The following ATP8A1 variants were observed in gnomAD, a reference collection of about 807,000 sequenced individuals.
ATP8A1 encodes the protein phospholipid-transporting ATPase IA.
In ATP8A1, 90 loss-of-function variants were observed where a neutral mutation model predicts 177.7. The ratio of observed to expected loss-of-function variants is 0.51; its 90% CI spans 0.43 to 0.60. ATP8A1 has a LOEUF of 0.60. Among genes scored for constraint, ATP8A1 ranks in the 20% least tolerant of loss-of-function variants. The probability of loss-of-function intolerance (pLI) is 0.00; values close to 1 mark genes in which losing one functional copy is unlikely to be tolerated. For missense variants in ATP8A1, 1,072 were observed against 1,392.8 expected (o/e 0.77, Z 3.67); for synonymous variants, 493 against 485.9 (o/e 1.01, Z -0.19).
At chr4:42,540,071 C>A (rs187955869) in intron 20 of ATP8A1, among the ~76,000 whole-genome samples, 2 of 152,182 alleles carry the variant, frequency 1.3e-5, no homozygotes, top group Admixed American at 6.5e-5. Flanking sequence ...CCAGAATATA[C>A]AAGAAACTGA....
chr4:42,425,506 T>G (rs1714492937), intron 33 of ATP8A1, among the ~76,000 whole-genome samples: 1 of 152,116 alleles, frequency 6.6e-6, no homozygotes, highest in Non-Finnish European at 1.5e-5. Flanking sequence ...ACCTAAAAGA[T>G]TTAAAGCCGA....
At position 42,571,136 on chromosome 4, in the gene ATP8A1, C is replaced by T. The variant is rs377626547; in HGVS notation, c.1296-1931G>A. Reference sequence around the variant, plus strand: ...ATGGTGAGCAGTAAGATAAACATGGCTGTAGCAAGATCTTGGGGGATAGTA... The same window carrying T: ...ATGGTGAGCAGTAAGATAAACATGGTTGTAGCAAGATCTTGGGGGATAGTA... On this transcript the variant is annotated intron_variant, in intron 14 of 36. Transcript: ENST00000381668. 5.1e-4 allele frequency among the ~76,000 whole-genome samples: 78 copies of T among 152,196 alleles called. 1 individual carries two copies. The South Asian group carries it at 0.011, about 22-fold the overall frequency.
At position 42,503,571 on chromosome 4, in the gene ATP8A1, G is replaced by A. The variant is rs1374137577; in HGVS notation, c.2087-57C>T. On this transcript the variant is annotated intron_variant, in intron 23 of 36. Coordinates refer to ENST00000381668, the MANE Select transcript of ATP8A1 (RefSeq NM_006095.2). ...ATTTCTCCAGAGAATATGTAAAGATGTTAAAACAATGATATGTACTATGAA... is the reference window on the plus strand; with the variant it reads ...ATTTCTCCAGAGAATATGTAAAGATATTAAAACAATGATATGTACTATGAA... The A allele has an allele frequency of 6.0e-6, 7 of 1,157,922 alleles. No individual in the cohort carries two copies. In the East Asian group the frequency reaches 9.6e-5, roughly 16 times the overall value. 71.7% of individuals were successfully genotyped at this position (1,157,922 alleles called of 1,614,324 possible). A position where few individuals can be genotyped will look rare whatever the true frequency, so the allele number is the denominator to read the frequency against.
chr4:42,585,098 C>T (rs937343655), intron 9 of ATP8A1, among the ~76,000 whole-genome samples: 2 of 152,118 alleles, frequency 1.3e-5, no homozygotes, highest in Non-Finnish European at 2.9e-5. Context: ...ACTGACTACT[C>T]CTTCCATCTG....
At chr4:42,634,560 A>T (rs912248046) in intron 1 of ATP8A1, among the ~76,000 whole-genome samples, 1 of 152,160 alleles carries the variant, frequency 6.6e-6, no homozygotes, top group African/African-American at 2.4e-5. Context: ...AATATAATCA[A>T]GGAGGGCATT....
intron 22 of ATP8A1, among the ~76,000 whole-genome samples, chr4:42,509,548 C>G (rs1034039894): frequency 6.6e-6 from 1 of 152,218 alleles, no homozygotes; most frequent in African/African-American, 2.4e-5. Flanking sequence ...GGTTCATCCT[C>G]TAAAACCAAA....
chr4:42,431,332 A>G (rs968435332), intron 33 of ATP8A1, among the ~76,000 whole-genome samples: 3 of 152,184 alleles, frequency 2.0e-5, no homozygotes, highest in African/African-American at 7.2e-5. Context: ...CAAGAGGAGA[A>G]GGTGTATTTT....
chr4:42,504,140 T>C (rs1425222776), intron 23 of ATP8A1, among the ~76,000 whole-genome samples: 1 of 152,216 alleles, frequency 6.6e-6, no homozygotes, highest in African/African-American at 2.4e-5. Context: ...AATTCCACTA[T>C]GTGAGTACAC....
intron 25 of ATP8A1, among the ~76,000 whole-genome samples, chr4:42,473,627 TTTTA>T (rs1270251983): frequency 2.0e-5 from 3 of 152,118 alleles, no homozygotes; most frequent in Non-Finnish European, 2.9e-5. Flanking sequence ...GATAAAGTTT[TTTTA>T]TTTATTTAAT....
chr4:42,423,448 T>C (rs1714222925), intron 34 of ATP8A1, among the ~76,000 whole-genome samples, 169 bp downstream of exon 34: 1 of 152,348 alleles, frequency 6.6e-6, no homozygotes, highest in Admixed American at 6.5e-5. Flanking sequence ...ATTTCGTCTT[T>C]TAAACTAGTT....
chr4:42,426,099 C>A (rs1212388300), intron 33 of ATP8A1, among the ~76,000 whole-genome samples: 2 of 152,224 alleles, frequency 1.3e-5, no homozygotes, highest in Non-Finnish European at 1.5e-5. Context: ...TGTGAACTTT[C>A]AGGGAACAAA....
intron 27 of ATP8A1, among the ~76,000 whole-genome samples, chr4:42,457,646 G>T (rs1007281290): frequency 6.6e-6 from 1 of 152,188 alleles, no homozygotes. Context: ...GTTTATGTTA[G>T]TAAGTTTATA....
intron 6 of ATP8A1, among the ~76,000 whole-genome samples, 190 bp from the exon 7 acceptor site, chr4:42,591,074 A>G (rs1042469672): frequency 4.6e-5 from 7 of 152,164 alleles, no homozygotes; most frequent in Admixed American, 1.3e-4. Flanking sequence ...ATAAGAAAAC[A>G]TTTAATATTT....
chr4:42,479,996 T>TTGTGTA (rs71200290), intron 25 of ATP8A1, among the ~76,000 whole-genome samples: 14 of 135,588 alleles, frequency 1.0e-4, no homozygotes, highest in Non-Finnish European at 1.9e-4. Context: ...GCAGTTCTGC[T>TTGTGTA]TGTGTGTGTG....
rs1316824039 is a variant in ATP8A1, at chr4:42,464,985, C to T, written c.2416G>A (p.Val806Ile). 6.2e-7 allele frequency: 1 copy of T among 1,614,116 alleles called. No individual in the cohort carries two copies. The highest frequency in any genetic ancestry group is 8.5e-7 in the Non-Finnish European group (1 of 1,180,044). ...ACGTGCGCTGTCTGTATCATGCTGA[C>T]ATCATTTGCTCCATCACCGATTGCA... ...TLAIGDGAND[V>I]SMIQTAHVGV... The change falls in exon 26 of 37, where the codon GTC becomes ATC. Residue 806 changes from valine (V) to isoleucine (I), a missense_variant. Around this residue, in one of 5 missense-constraint regions of ATP8A1, gnomAD observed 316 missense variants for 459.1 expected, o/e 0.69. Coordinates refer to ENST00000381668, the MANE Select transcript of ATP8A1 (RefSeq NM_006095.2).
intron 15 of ATP8A1, among the ~76,000 whole-genome samples, chr4:42,566,691 T>A (rs1422302208): frequency 6.6e-6 from 1 of 152,206 alleles, no homozygotes; most frequent in Non-Finnish European, 1.5e-5. Context: ...TTCAAGGATA[T>A]CTTGTGATCT....
chr4:42,569,207 T>C lies in ATP8A1; in HGVS notation c.1296-2A>G. On this transcript the variant is annotated splice_acceptor_variant, in intron 14 of 36. Transcript: ENST00000381668. LOFTEE classifies it high-confidence loss of function. The stretch of plus-strand genomic sequence containing the variant: ...TAATCCTCAGGTTCAGGGACATGGC[T>C]TCAGAAAGCAAGAAGAGAGGCAGAA... The C allele has an allele frequency of 6.2e-7, 1 of 1,605,724 alleles. No individual in the cohort carries two copies. The highest frequency in any genetic ancestry group is 1.7e-5 in the Admixed American group (1 of 59,100).
rs907667802 is a variant in ATP8A1 at position 42,583,598 on chromosome 4, ATTAG to A, written c.723-1870_723-1867del. Among the ~76,000 whole-genome samples the A allele has an allele frequency of 8.9e-4, 136 of 152,338 alleles. 1 individual carries two copies. The Middle Eastern group carries it at 0.014, about 15-fold the overall frequency. ...TTTCAATTACAAGGACTCAAGAAGAATTAGTTAGTTTTCATCATAGCTGGTGTTC... is the reference window on the plus strand; with the variant it reads ...TTTCAATTACAAGGACTCAAGAAGAATTAGTTTTCATCATAGCTGGTGTTC... On this transcript the variant is annotated intron_variant, in intron 9 of 36. Coordinates refer to ENST00000381668, the MANE Select transcript of ATP8A1 (RefSeq NM_006095.2).
At chr4:42,552,464 A>C in intron 17 of ATP8A1, 41 bp downstream of exon 17, 1 of 1,498,782 alleles carries the variant, frequency 6.7e-7, no homozygotes, top group Non-Finnish European at 9.2e-7. Flanking sequence ...ATTCAGAACA[A>C]TTTTCCACAA....
Sources: allele counts gnomAD v4.1 joint callset (sites outside exome capture counted in the v4.1 genomes callset), GRCh38; gene constraint gnomAD v4.1.1; regional missense constraint gnomAD v4.1.1; transcripts MANE v1.5; gene names NCBI Gene and HGNC (gene_info 2026-07-23, HGNC 2026-07-21).